VPS13B: variants seen among roughly 807,000 people sequenced by gnomAD.
The protein encoded by VPS13B is intermembrane lipid transfer protein VPS13B.
A neutral mutation model predicts 426.4 loss-of-function variants in VPS13B; 285 were observed. The observed-to-expected ratio is 0.67, with a 90% CI of 0.61 to 0.74. The LOEUF (loss-of-function observed/expected upper bound fraction) is 0.74. Ranked by LOEUF, VPS13B falls within the 30% of genes least tolerant of loss-of-function variation. The pLI, the probability that VPS13B is intolerant of heterozygous loss-of-function variation, is 0.00. For synonymous variants in VPS13B, 1,676 were observed against 1,676.4 expected, an observed-to-expected ratio of 1.00 and a Z score of 0.01; for missense variants, 4,537 against 4,782.6, an observed-to-expected ratio of 0.95 and a Z score of 1.51.
intron 33 of VPS13B, among the ~76,000 whole-genome samples, chr8:99,635,723 A>T (rs919415529): frequency 2.0e-5 from 3 of 151,992 alleles, no homozygotes; most frequent in African/African-American, 7.2e-5. Context: ...ACATTTGAAT[A>T]TGTTCATAAA....
At chr8:99,136,104 AAT>A (rs1810057065) in intron 11 of VPS13B, among the ~76,000 whole-genome samples, 1 of 152,028 alleles carries the variant, frequency 6.6e-6, no homozygotes, top group Non-Finnish European at 1.5e-5. Context: ...AGAATATATT[AAT>A]ATGTTTATGG....
intron 37 of VPS13B, among the ~76,000 whole-genome samples, chr8:99,717,749 C>A (rs1401937180): frequency 2.0e-5 from 3 of 152,198 alleles, no homozygotes; most frequent in Non-Finnish European, 4.4e-5. Flanking sequence ...TTTACCTATT[C>A]TTAACATTTC....
At chr8:99,157,276 T>G (rs1055191822) in intron 15 of VPS13B, among the ~76,000 whole-genome samples, 32 of 134,238 alleles carry the variant, frequency 2.4e-4, no homozygotes, top group African/African-American at 5.3e-4. Flanking sequence ...GTGTGTGTGT[T>G]TTTTTTTTTT....
chr8:99,163,671 C>G (rs1365876914), intron 15 of VPS13B, among the ~76,000 whole-genome samples: 1 of 152,238 alleles, frequency 6.6e-6, no homozygotes, highest in Non-Finnish European at 1.5e-5. Context: ...CCGGGGCCAG[C>G]AGGGCTGGCT....
At chr8:99,494,066 C>T (rs1018488084) in intron 25 of VPS13B, among the ~76,000 whole-genome samples, 2 of 152,058 alleles carry the variant, frequency 1.3e-5, no homozygotes, top group African/African-American at 4.8e-5. Context: ...AGATGCTAAA[C>T]ACATGTAATG....
At chr8:99,669,845 G>A (rs1328975994) in intron 35 of VPS13B, among the ~76,000 whole-genome samples, 1 of 151,896 alleles carries the variant, frequency 6.6e-6, no homozygotes, top group Non-Finnish European at 1.5e-5. Context: ...TCCTTATATT[G>A]TATGGATTAA....
chr8:99,170,709 G>T (rs1184433359), intron 16 of VPS13B, among the ~76,000 whole-genome samples: 1 of 151,614 alleles, frequency 6.6e-6, no homozygotes, highest in African/African-American at 2.4e-5. Context: ...AATTCGGAGA[G>T]ATTTACAGAA....
At chr8:99,297,299 G>A (rs1445850259) in intron 19 of VPS13B, among the ~76,000 whole-genome samples, 3 of 152,060 alleles carry the variant, frequency 2.0e-5, no homozygotes, top group African/African-American at 7.2e-5. Context: ...CTCTGCATTG[G>A]TTTTTCACTA....
intron 23 of VPS13B, among the ~76,000 whole-genome samples, chr8:99,465,648 G>A (rs1460667056): frequency 6.6e-6 from 1 of 151,854 alleles, no homozygotes; most frequent in Non-Finnish European, 1.5e-5. Context: ...TATATAATCC[G>A]AACTCAGTCC....
chr8:99,211,985 C>T (rs893032611), intron 17 of VPS13B, among the ~76,000 whole-genome samples: 1 of 147,588 alleles, frequency 6.8e-6, no homozygotes, highest in Admixed American at 6.7e-5. Flanking sequence ...ATCTGCCTCC[C>T]GGGTTCATGC....
chr8:99,685,946 T>C (rs566571537), intron 35 of VPS13B, among the ~76,000 whole-genome samples: 2 of 152,282 alleles, frequency 1.3e-5, no homozygotes, highest in African/African-American at 4.8e-5. Flanking sequence ...GTTAGGTGTT[T>C]ATTATAGTCT....
At chr8:99,788,707 A>G (rs1236831032) in intron 43 of VPS13B, among the ~76,000 whole-genome samples, 2 of 152,190 alleles carry the variant, frequency 1.3e-5, no homozygotes, top group Non-Finnish European at 2.9e-5. Flanking sequence ...ATAATTTTCA[A>G]ACATCACAAT....
rs775546757 is a variant in VPS13B, at chr8:99,821,281, A to T, written c.8995-13A>T. The T allele has an allele frequency of 1.2e-6, 2 of 1,613,250 alleles. No individual in the cohort carries two copies. The highest frequency in any genetic ancestry group is 3.3e-5 in the Admixed American group (2 of 59,928). On this transcript the variant is annotated splice_polypyrimidine_tract_variant and intron_variant, in intron 49 of 61. Transcript: ENST00000357162. The stretch of plus-strand genomic sequence containing the variant: ...AAGAAAATTACTTTATAATTGAGGC[A>T]TTATTTTTCCAGGAAGCTTTTCAAA...
Position 99,856,616 on chromosome 8 carries a change from G to A in VPS13B, c.10867+2360G>A, listed in dbSNP as rs186229636. 3.3e-5 allele frequency among the ~76,000 whole-genome samples: 5 copies of A among 152,332 alleles called. No individual in the cohort carries two copies. The South Asian group carries it at 6.2e-4, about 19-fold the overall frequency. ...AGCACTTTGGGAGGCCGAGGTGGGC[G>A]AATTGCCTGTGCTCAGGAGTTCAAG... On this transcript the variant is annotated intron_variant, in intron 56 of 61. Coordinates refer to ENST00000357162, the MANE Select transcript of VPS13B (RefSeq NM_152564.5).
chr8:99,050,073 G>A (rs1012677530), intron 3 of VPS13B, among the ~76,000 whole-genome samples: 13 of 151,038 alleles, frequency 8.6e-5, no homozygotes, highest in Admixed American at 1.3e-4. Flanking sequence ...TAGGGTACAC[G>A]TGCACAACGT....
At chr8:99,418,519 T>TC (rs1351377941) in intron 21 of VPS13B, among the ~76,000 whole-genome samples, 15 of 134,672 alleles carry the variant, frequency 1.1e-4, no homozygotes, top group Non-Finnish European at 1.8e-4. Flanking sequence ...TTCTTTCCTT[T>TC]CTTTCTTTCT....
chr8:99,574,809 T>C (rs1420045954), intron 31 of VPS13B, among the ~76,000 whole-genome samples: 1 of 152,140 alleles, frequency 6.6e-6, no homozygotes, highest in African/African-American at 2.4e-5. Context: ...ATAATGGGGC[T>C]ATTAACAGTC....
chr8:99,569,740 A>G (rs911952337), intron 31 of VPS13B, among the ~76,000 whole-genome samples: 3 of 152,202 alleles, frequency 2.0e-5, no homozygotes, highest in African/African-American at 7.2e-5. Context: ...CATGTGGCAT[A>G]CACCTGTGCC....
At chr8:99,148,813 A>G (rs1367088072) in intron 14 of VPS13B, among the ~76,000 whole-genome samples, 5 of 152,218 alleles carry the variant, frequency 3.3e-5, no homozygotes, top group Non-Finnish European at 5.9e-5. Flanking sequence ...AATGACTTCT[A>G]TTGGTACATG....
Sources: allele counts gnomAD v4.1 joint callset (sites outside exome capture counted in the v4.1 genomes callset), GRCh38; gene constraint gnomAD v4.1.1; transcripts MANE v1.5; gene names NCBI Gene and HGNC (gene_info 2026-07-23, HGNC 2026-07-21).